DSCAM: variants seen among roughly 807,000 people sequenced by gnomAD.
DSCAM encodes cell adhesion molecule DSCAM.
In DSCAM, 47 loss-of-function variants were observed where a neutral mutation model predicts 217.7. That is an observed-to-expected ratio of 0.22 (90% CI 0.17 to 0.28). DSCAM has a LOEUF of 0.28. Among genes scored for constraint, DSCAM ranks in the 10% least tolerant of loss-of-function variants. The pLI is 1.00. For missense variants in DSCAM, 2,080 were observed against 2,618.3 expected (o/e 0.79, Z 4.49); for synonymous variants, 1,056 against 1,015.3 (o/e 1.04, Z -0.76).
chr21:40,233,826 A>C (rs1238246446), intron 11 of DSCAM, among the ~76,000 whole-genome samples: 1 of 152,200 alleles, frequency 6.6e-6, no homozygotes, highest in Non-Finnish European at 1.5e-5. Context: ...ATGACCTGGT[A>C]TCACTCCAAT....
intron 30 of DSCAM, among the ~76,000 whole-genome samples, chr21:40,046,789 A>G: frequency 6.6e-6 from 1 of 151,878 alleles, no homozygotes; most frequent in East Asian, 2.0e-4. Flanking sequence ...GTTGGGGGGT[A>G]TAGTTTGCTA....
chr21:40,530,663 G>A (rs74556788), intron 3 of DSCAM, among the ~76,000 whole-genome samples: 3,378 of 152,060 alleles, frequency 0.022, 124 homozygotes, highest in African/African-American at 0.076. Context: ...GAAATCCCAG[G>A]ACACTTCAGA....
intron 32 of DSCAM, among the ~76,000 whole-genome samples, chr21:40,014,133 G>A (rs1173104520): frequency 6.6e-6 from 1 of 152,228 alleles, no homozygotes; most frequent in African/African-American, 2.4e-5. Context: ...CCTCATGCCT[G>A]TAATCCTAGA....
chr21:40,708,903 T>A, intron 1 of DSCAM, 132 bp from the exon 2 acceptor site: 1 of 601,506 alleles, frequency 1.7e-6, no homozygotes, highest in Non-Finnish European at 2.5e-6. Flanking sequence ...ACCAAATAAT[T>A]CAAATTTTCT....
chr21:40,565,551 A>G (rs2076757955), intron 3 of DSCAM, among the ~76,000 whole-genome samples: 1 of 152,176 alleles, frequency 6.6e-6, no homozygotes, highest in African/African-American at 2.4e-5. Flanking sequence ...ATTGGAATTA[A>G]TTTCCACAAA....
At position 40,289,620 on chromosome 21, in the gene DSCAM, G is replaced by C. The variant is rs563139507; in HGVS notation, c.2182+6435C>G. 2.0e-4 allele frequency among the ~76,000 whole-genome samples: 30 copies of C among 152,206 alleles called. No homozygotes were observed. In the South Asian group the frequency reaches 6.0e-3, roughly 31 times the overall value. On this transcript the variant is annotated intron_variant, in intron 10 of 32. Coordinates refer to ENST00000400454, the MANE Select transcript of DSCAM (RefSeq NM_001389.5). ...CACATAGCTTTTATTACAGTACATT[G>C]TAATAATAATTTTATTCTAGTACTC...
intron 16 of DSCAM, among the ~76,000 whole-genome samples, chr21:40,164,440 C>T (rs1267482040): frequency 6.6e-6 from 1 of 152,158 alleles, no homozygotes; most frequent in African/African-American, 2.4e-5. Context: ...AGGTCCTGAG[C>T]AACCTTTGCT....
intron 32 of DSCAM, among the ~76,000 whole-genome samples, chr21:40,025,626 C>G (rs2088364203): frequency 2.0e-5 from 3 of 150,840 alleles, no homozygotes; most frequent in African/African-American, 7.4e-5. Context: ...AGGAATTTAT[C>G]CATTTCTTCT....
intron 3 of DSCAM, among the ~76,000 whole-genome samples, chr21:40,686,340 C>T (rs375847785): frequency 6.7e-6 from 1 of 150,242 alleles, no homozygotes; most frequent in African/African-American, 2.5e-5. Flanking sequence ...AGAGTACACA[C>T]CCCACATGCC....
intron 3 of DSCAM, among the ~76,000 whole-genome samples, chr21:40,438,824 T>C (rs554850904): frequency 3.9e-5 from 6 of 152,144 alleles, no homozygotes; most frequent in African/African-American, 1.4e-4. Context: ...GTTCCTGGAG[T>C]TGGATTCACA....
At chr21:40,655,376 C>T (rs1274328603) in intron 3 of DSCAM, among the ~76,000 whole-genome samples, 1 of 152,046 alleles carries the variant, frequency 6.6e-6, no homozygotes, top group African/African-American at 2.4e-5. Flanking sequence ...TCTAAAATGT[C>T]ACCCTATAGC....
At chr21:40,649,185 C>G (rs781040071) in intron 3 of DSCAM, among the ~76,000 whole-genome samples, 4 of 152,212 alleles carry the variant, frequency 2.6e-5, no homozygotes, top group Admixed American at 6.5e-5. Flanking sequence ...ACCCAGAAGC[C>G]AGCACTTTTC....
chr21:40,468,153 T>C (rs1003791462), intron 3 of DSCAM, among the ~76,000 whole-genome samples: 2 of 152,190 alleles, frequency 1.3e-5, no homozygotes, highest in Non-Finnish European at 2.9e-5. Flanking sequence ...CTCTGCCCTA[T>C]GTTTATTTTA....
intron 3 of DSCAM, among the ~76,000 whole-genome samples, chr21:40,480,409 A>T (rs191491970): frequency 6.6e-6 from 1 of 152,172 alleles, no homozygotes; most frequent in African/African-American, 2.4e-5. Context: ...TGAACAAATA[A>T]CAGGTCAGAG....
rs71186947 is a variant in DSCAM, at chr21:40,598,497, G to GTTTT, written c.508+94309_508+94312dup. 5.4e-3 allele frequency among the ~76,000 whole-genome samples: 362 copies of GTTTT among 66,842 alleles called. 15 individuals carry two copies. Among genetic ancestry groups the GTTTT allele is most frequent in the African/African-American group, 7.7e-3 (125 of 16,224 alleles). The allele number at this position is 66,842 out of a possible 152,430, so 43.9% of individuals were successfully genotyped here. On this transcript the variant is annotated intron_variant, in intron 3 of 32. Coordinates refer to ENST00000400454, the MANE Select transcript of DSCAM (RefSeq NM_001389.5). ...TTAGTTTGTAAGAAACTGCCAAACT[G>GTTTT]TTTTTTTTTTTTTTTTTTTTTTTTT...
At chr21:40,025,343 G>GTGTC in intron 32 of DSCAM, among the ~76,000 whole-genome samples, 1 of 144,130 alleles carries the variant, frequency 6.9e-6, no homozygotes, top group South Asian at 2.3e-4. Flanking sequence ...TTTTTTGGTT[G>GTGTC]TGTCTCTGCC....
At chr21:40,358,280 A>T (rs181800529) in intron 4 of DSCAM, among the ~76,000 whole-genome samples, 287 of 152,334 alleles carry the variant, frequency 1.9e-3, no homozygotes, top group African/African-American at 6.7e-3. Flanking sequence ...TGACATTTTT[A>T]AAAAATGGCT....
At chr21:40,146,869 CTA>C (rs2090363554) in intron 16 of DSCAM, among the ~76,000 whole-genome samples, 2 of 152,092 alleles carry the variant, frequency 1.3e-5, no homozygotes, top group Admixed American at 6.6e-5. Flanking sequence ...TTTCAAGATT[CTA>C]TGTTTTGAAA....
chr21:40,053,218 T>A (rs975166310), intron 29 of DSCAM, among the ~76,000 whole-genome samples: 2 of 152,208 alleles, frequency 1.3e-5, no homozygotes, highest in African/African-American at 4.8e-5. Flanking sequence ...AGAATAAAAT[T>A]TCCTGGCAGA....
Sources: allele counts gnomAD v4.1 joint callset (sites outside exome capture counted in the v4.1 genomes callset), GRCh38; gene constraint gnomAD v4.1.1; transcripts MANE v1.5; gene names NCBI Gene and HGNC (gene_info 2026-07-23, HGNC 2026-07-21).